The following DOCK2 variants were observed in gnomAD, a reference collection of about 807,000 sequenced individuals.
The protein encoded by DOCK2 is dedicator of cytokinesis 2.
In DOCK2, 87 loss-of-function variants were observed where a neutral mutation model predicts 248.9. The observed-to-expected ratio is 0.35, with a 90% confidence interval of 0.29 to 0.42. The LOEUF is 0.42. DOCK2 is among the 10% of genes least tolerant of loss of function. The pLI is 1.00. For missense variants in DOCK2, 1,747 were observed against 2,300.2 expected, an observed-to-expected ratio of 0.76 and a Z score of 4.92; for synonymous variants, 805 against 821.6, an observed-to-expected ratio of 0.98 and a Z score of 0.35.
At chr5:169,980,180 C>A (rs780318426) in intron 27 of DOCK2, 3 of 151,984 alleles carry the variant, frequency 2.0e-5, no homozygotes, top group Admixed American at 1.3e-4. Flanking sequence ...TTGATTTAAG[C>A]CAAAGCTTTA....
Position 169,763,810 on chromosome 5 carries a change from C to T in DOCK2, c.2554+2185C>T, listed in dbSNP as rs1003018535. Among the ~76,000 whole-genome samples the T allele has an allele frequency of 6.6e-6, 1 of 152,202 alleles. No individual in the cohort carries two copies. The highest frequency in any genetic ancestry group is 2.4e-5 in the African/African-American group (1 of 41,448). On this transcript the variant is annotated intron_variant, in intron 25 of 51. Coordinates refer to ENST00000520908, the MANE Select transcript of DOCK2 (RefSeq NM_004946.3). This position sits in a 1 kb window ranked among gnomAD's most constrained non-coding sequence, Gnocchi z 4.1. Reference sequence around the variant, plus strand: ...AGGTAGACAAAGTATCCTTTGGGGACCCCTTTCAAAGAGGAGGCAAAGTGT... The same window carrying T: ...AGGTAGACAAAGTATCCTTTGGGGATCCCTTTCAAAGAGGAGGCAAAGTGT...
At chr5:170,002,033 T>C (rs948734786) in intron 30 of DOCK2, among the ~76,000 whole-genome samples, 2 of 152,152 alleles carry the variant, frequency 1.3e-5, no homozygotes, top group Non-Finnish European at 1.5e-5. Context: ...TCCATGATAA[T>C]GGAACTGGTC....
At chr5:169,868,615 A>T (rs892079517) in intron 27 of DOCK2, among the ~76,000 whole-genome samples, 3 of 152,060 alleles carry the variant, frequency 2.0e-5, no homozygotes, top group Non-Finnish European at 4.4e-5. Context: ...AAAATTAGCC[A>T]TGTGTGGTGG....
chr5:169,863,208 T>C (rs1366748682), intron 27 of DOCK2, among the ~76,000 whole-genome samples: 1 of 152,184 alleles, frequency 6.6e-6, no homozygotes, highest in African/African-American at 2.4e-5. Context: ...GAAAAAACTA[T>C]ATCCTCATCC....
At chr5:169,983,572 C>T (rs1777993141) in intron 28 of DOCK2, among the ~76,000 whole-genome samples, 1 of 152,192 alleles carries the variant, frequency 6.6e-6, no homozygotes, top group Admixed American at 6.5e-5. Context: ...CTCTGGGCCA[C>T]CTTCTTCTAG....
intron 33 of DOCK2, among the ~76,000 whole-genome samples, chr5:170,026,845 A>T (rs531677867): frequency 1.3e-5 from 2 of 152,094 alleles, no homozygotes; most frequent in Admixed American, 6.5e-5. Context: ...GATCATTACC[A>T]TTGTCACCAG....
intron 26 of DOCK2, among the ~76,000 whole-genome samples, chr5:169,828,976 G>A (rs1456727744): frequency 6.6e-6 from 1 of 152,138 alleles, no homozygotes; most frequent in East Asian, 1.9e-4. Context: ...GGGCAGCTCC[G>A]AGTGGATTAC....
chr5:169,779,075 C>A (rs991796578), intron 25 of DOCK2, among the ~76,000 whole-genome samples: 13 of 151,992 alleles, frequency 8.6e-5, no homozygotes, highest in African/African-American at 3.1e-4. Flanking sequence ...ACTTTTGACT[C>A]AATTTTGCTG....
chr5:169,924,711 A>G (rs550391515), intron 27 of DOCK2, among the ~76,000 whole-genome samples: 1 of 152,352 alleles, frequency 6.6e-6, no homozygotes, highest in Admixed American at 6.5e-5. Flanking sequence ...CTTTTTTTGA[A>G]GGAGGGCTGA....
At chr5:169,936,877 C>A (rs1776024670) in intron 27 of DOCK2, among the ~76,000 whole-genome samples, 1 of 152,150 alleles carries the variant, frequency 6.6e-6, no homozygotes, top group African/African-American at 2.4e-5. Context: ...TAACGACACC[C>A]TTCACTTAAT....
At chr5:169,694,553 T>A (rs1385430782) in intron 9 of DOCK2, among the ~76,000 whole-genome samples, 42 of 152,212 alleles carry the variant, frequency 2.8e-4, no homozygotes, top group Non-Finnish European at 2.9e-5. Flanking sequence ...CTTCTTTGTG[T>A]CTCAGTTTCC....
In DOCK2 at chr5:169,988,023, G is replaced by C. The variant is rs143927427; in HGVS notation, c.2993+2101G>C. Among the ~76,000 whole-genome samples, 363 of 152,220 alleles carry C rather than the reference G, an allele frequency of 2.4e-3. 2 individuals carry two copies. Among genetic ancestry groups the C allele is most frequent in the African/African-American group, 8.5e-3 (355 of 41,550 alleles). ...CGAGGATAGAATGAGTTACTCCTTA[G>C]CACAGTGCCAGGATCAAGGAAAATA... On this transcript the variant is annotated intron_variant, in intron 29 of 51. Transcript: ENST00000520908.
intron 33 of DOCK2, among the ~76,000 whole-genome samples, chr5:170,024,525 G>A (rs1011486903): frequency 1.3e-5 from 2 of 152,076 alleles, no homozygotes; most frequent in Non-Finnish European, 2.9e-5. Flanking sequence ...AATGACAATA[G>A]CATGATGAGC....
At chr5:169,840,624 T>TGATGGC (rs1223945346) in intron 26 of DOCK2, 133 bp from the exon 27 acceptor site, 7 of 693,392 alleles carry the variant, frequency 1.0e-5, no homozygotes, top group East Asian at 2.7e-5. Flanking sequence ...ATGATGATGA[T>TGATGGC]GGCAGTAGTG....
intron 27 of DOCK2, among the ~76,000 whole-genome samples, chr5:169,926,018 G>C (rs530837071): frequency 6.6e-6 from 1 of 152,146 alleles, no homozygotes; most frequent in Non-Finnish European, 1.5e-5. Context: ...TCCATGGCAG[G>C]ATGTCGTCAG....
At chr5:169,896,584 C>T (rs1015476462) in intron 27 of DOCK2, among the ~76,000 whole-genome samples, 6 of 152,154 alleles carry the variant, frequency 3.9e-5, no homozygotes, top group Non-Finnish European at 5.9e-5. Flanking sequence ...TTCAGAAAAG[C>T]GCCTGTCAGG....
intron 41 of DOCK2, among the ~76,000 whole-genome samples, chr5:170,051,875 G>T (rs753677776): frequency 6.6e-6 from 1 of 152,204 alleles, no homozygotes; most frequent in Non-Finnish European, 1.5e-5. Context: ...AGCTCACTTG[G>T]AGTACATAGT....
chr5:169,669,504 C>T (rs1758921245), intron 3 of DOCK2, among the ~76,000 whole-genome samples, 176 bp downstream of exon 3: 1 of 152,170 alleles, frequency 6.6e-6, no homozygotes, highest in Non-Finnish European at 1.5e-5. Flanking sequence ...TCAGCTCCCT[C>T]CCACTTTCCC....
At chr5:169,718,241 T>G (rs1762008865) in intron 21 of DOCK2, among the ~76,000 whole-genome samples, 1 of 152,148 alleles carries the variant, frequency 6.6e-6, no homozygotes, top group Admixed American at 6.5e-5. Flanking sequence ...CCAAGTAATT[T>G]GAAGTCTGCC....
Sources: gnomAD v4.1 joint callset for allele counts (sites outside exome capture counted in the v4.1 genomes callset) on GRCh38, gnomAD v4.1.1 for gene constraint, Gnocchi (gnomAD v3.1) non-coding constraint, MANE v1.5 for transcripts, NCBI Gene and HGNC (gene_info 2026-07-23, HGNC 2026-07-21) for gene names.